ZNF12: variants seen among roughly 807,000 people sequenced by gnomAD.
ZNF12 encodes the protein zinc finger protein 12, also known as gonadotropin inducible transcription repressor 3.
In ZNF12, 34 loss-of-function variants were observed where a neutral mutation model predicts 66.6. The observed-to-expected ratio is 0.51, with a 90% CI of 0.39 to 0.68. The LOEUF is 0.68. Ranked by LOEUF, ZNF12 falls within the 30% of genes least tolerant of loss-of-function variation. ZNF12 has a pLI of 0.00. For missense variants in ZNF12, 697 were observed against 826.9 expected (o/e 0.84, Z 1.93); for synonymous variants, 320 against 278.9 (o/e 1.15, Z -1.47).
At position 6,692,724 on chromosome 7, in the gene ZNF12, T is replaced by A; in HGVS notation, c.239-21A>T. 6.5e-7 allele frequency: 1 copy of A among 1,534,504 alleles called. No individual in the cohort carries two copies. Among genetic ancestry groups the A allele is most frequent in the Non-Finnish European group, 8.7e-7 (1 of 1,146,974 alleles). On this transcript the variant is annotated intron_variant, in intron 4 of 4. Coordinates refer to ENST00000405858, the MANE Select transcript of ZNF12 (RefSeq NM_016265.4). This position sits in a 1 kb window ranked among gnomAD's most constrained non-coding sequence, Gnocchi z 5.1. ...TTCATCTAAAGAGAGACAAAATTAA[T>A]AAACTTTTGTACATCTTCCTATATA...
In ZNF12 at chr7:6,688,629, G is replaced by GA. The variant is rs1583461021; in HGVS notation, c.*2218dup. On this transcript the variant is annotated 3_prime_UTR_variant, in exon 5 of 5. Coordinates refer to ENST00000405858, the MANE Select transcript of ZNF12 (RefSeq NM_016265.4). The surrounding 1 kb of genome is among the most constrained non-coding windows in gnomAD (Gnocchi z 4.3). ...TCACAATCGTCTTGAAGAATATGGA[G>GA]AAAAAGTGCTGAGTGACAAAAACAG... is the stretch of plus-strand genomic sequence containing the variant. 2.6e-5 allele frequency: 4 copies of GA among 152,164 alleles called. No individual in the cohort carries two copies. Among genetic ancestry groups the GA allele is most frequent in the African/African-American group, 4.8e-5 (2 of 41,432 alleles). The allele number at this position is 152,164 out of a possible 1,614,324, so 9.4% of individuals were successfully genotyped here.
rs137894888 is a variant in ZNF12, at chr7:6,697,542, C to T, written c.143-108G>A. 4.8e-5 allele frequency: 73 copies of T among 1,516,864 alleles called. No homozygotes were observed. The African/African-American group carries it at 5.8e-4, about 12-fold the overall frequency. 94.0% of individuals were successfully genotyped at this position (1,516,864 alleles called of 1,614,324 possible). A position where few individuals can be genotyped will look rare whatever the true frequency, so the allele number is the denominator to read the frequency against. On this transcript the variant is annotated intron_variant, in intron 3 of 4. Coordinates refer to ENST00000405858, the MANE Select transcript of ZNF12 (RefSeq NM_016265.4). The surrounding 1 kb of genome is among the most constrained non-coding windows in gnomAD (Gnocchi z 6.1). ...GTCTTATCAAAATCAGAACTTTTCA[C>T]GGGGGAGATCAAGACCAAAATGCCC... is the stretch of plus-strand genomic sequence containing the variant.
chr7:6,691,534 A>T lies in ZNF12; in HGVS notation c.1408T>A (p.Cys470Ser). The T allele has an allele frequency of 6.2e-7, 1 of 1,614,136 alleles. No individual in the cohort carries two copies. Among genetic ancestry groups the T allele is most frequent in the Non-Finnish European group, 8.5e-7 (1 of 1,179,992 alleles). Residue 470 changes from cysteine (C) to serine (S), a missense_variant, in exon 5 of 5, where the codon TGT (cysteine) becomes AGT (serine). Cys to Ser is a moderately radical substitution (Grantham distance 112, BLOSUM62 -1). Around this residue, in one of 3 missense-constraint regions of ZNF12, gnomAD observed 401 missense variants for 519.0 expected, o/e 0.77. Transcript: ENST00000405858. ...GAATTCAGGTAGAAGGTTTTTCCAC[A>T]TTCATTACATTCATAGGGTTTCTCT... is the stretch of plus-strand genomic sequence containing the variant. Reference protein sequence around the residue: ...SGEKPYECNECGKTFYLNSAL... With the variant: ...SGEKPYECNESGKTFYLNSAL...
intron 4 of ZNF12, among the ~76,000 whole-genome samples, chr7:6,693,493 T>C (rs571666140): frequency 6.6e-6 from 1 of 152,366 alleles, no homozygotes; most frequent in South Asian, 2.1e-4. Context: ...CTAATGATGC[T>C]ATGATTTAAT....
At position 6,691,364 on chromosome 7, in the gene ZNF12, A is replaced by G. The variant is rs750163534; in HGVS notation, c.1578T>C (p.Cys526=). 1.2e-6 allele frequency: 2 copies of G among 1,614,004 alleles called. No individual in the cohort carries two copies. The highest frequency in any genetic ancestry group is 1.1e-5 in the South Asian group (1 of 91,080). ...CTGAGTTCTGGTAGAAGGTTTTCCC[A>G]CATTCACTACATTCATAGGGTTTTA... ...SGVKPYECSE[C]GKTFYQNSAL... The change falls in exon 5 of 5, where the codon TGT becomes TGC. Residue 526 remains cysteine (C), a synonymous_variant. Transcript: ENST00000405858.
rs1233650738 is a variant in ZNF12, at chr7:6,698,460, C to G, written c.16-649G>C. Among the ~76,000 whole-genome samples the G allele has an allele frequency of 2.0e-5, 3 of 152,310 alleles. No individual in the cohort carries two copies. The highest frequency in any genetic ancestry group is 4.8e-5 in the African/African-American group (2 of 41,560). The stretch of plus-strand genomic sequence containing the variant: ...GTCCCAGATGGCAAACTCAACATCC[C>G]TGAAATTCAATTGCTGTTCCTGTTC... On this transcript the variant is annotated intron_variant, in intron 2 of 4. Coordinates refer to ENST00000405858, the MANE Select transcript of ZNF12 (RefSeq NM_016265.4). The surrounding 1 kb of genome is among the most constrained non-coding windows in gnomAD (Gnocchi z 4.4).
Position 6,697,233 on chromosome 7 carries a change from T to C in ZNF12, c.238+106A>G, listed in dbSNP as rs145292205. 2.6e-4 allele frequency: 208 copies of C among 789,898 alleles called. No homozygotes were observed. The African/African-American group carries it at 2.7e-3, about 10-fold the overall frequency. The allele number at this position is 789,898 out of a possible 1,614,324, so 48.9% of individuals were successfully genotyped here. On this transcript the variant is annotated intron_variant, in intron 4 of 4. Transcript: ENST00000405858. The surrounding 1 kb of genome is among the most constrained non-coding windows in gnomAD (Gnocchi z 6.1). ...GAGTGAGATTCAGGTTCATAGAGCA[T>C]ATAAGCAACTATTTCTAGTCACTTC...
intron 2 of ZNF12, among the ~76,000 whole-genome samples, chr7:6,702,843 T>TCC (rs1562602475): frequency 0.042 from 2 of 48 alleles, 1 homozygote; most frequent in Non-Finnish European, 0.077. Flanking sequence ...GAGATATATC[T>TCC]CAAAATCCAC....
At chr7:6,700,326 CACACACACACAT>C (rs1390537212) in intron 2 of ZNF12, among the ~76,000 whole-genome samples, 6 of 148,220 alleles carry the variant, frequency 4.0e-5, no homozygotes, top group African/African-American at 1.5e-4. Flanking sequence ...CACACACACA[CACACACACACAT>C]ATATATACAT....
In ZNF12 at chr7:6,706,937, G is replaced by A. The variant is rs940440136; in HGVS notation, c.-556C>T. 1.5e-5 allele frequency: 6 copies of A among 407,904 alleles called. No individual in the cohort carries two copies. The highest frequency in any genetic ancestry group is 6.6e-5 in the African/African-American group (3 of 45,602). 25.3% of individuals were successfully genotyped at this position (407,904 alleles called of 1,614,324 possible). A position where few individuals can be genotyped will look rare whatever the true frequency, so the allele number is the denominator to read the frequency against. On this transcript the variant is annotated 5_prime_UTR_variant, in exon 1 of 5. Transcript: ENST00000405858. ...GCGGTGACCTGGGGACGCACAGGAA[G>A]CGAGGGCACTGCGGCCGCGGCGCGC...
rs1306247660 is a variant in ZNF12, at chr7:6,692,259, T to C, written c.683A>G (p.Lys228Arg). The C allele has an allele frequency of 6.2e-7, 1 of 1,613,778 alleles. No individual in the cohort carries two copies. The highest frequency in any genetic ancestry group is 8.5e-7 in the Non-Finnish European group (1 of 1,179,786). Reference sequence around the variant, plus strand: ...CATGTGATTAACAAAAACAGTGTCCTTTTGGAAGGCTTTCTGGCATTCAAT... The same window carrying C: ...CATGTGATTAACAAAAACAGTGTCCCTTTGGAAGGCTTTCTGGCATTCAAT... ...EYIECQKAFQ[K>R]DTVFVNHMEE... The change falls in exon 5 of 5, where the codon AAG becomes AGG. Residue 228 changes from lysine (K) to arginine (R), a missense_variant. Coordinates refer to ENST00000405858, the MANE Select transcript of ZNF12 (RefSeq NM_016265.4). The surrounding 1 kb of genome is among the most constrained non-coding windows in gnomAD (Gnocchi z 5.1).
At chr7:6,699,798 A>G (rs1323711540) in intron 2 of ZNF12, among the ~76,000 whole-genome samples, 2 of 152,214 alleles carry the variant, frequency 1.3e-5, no homozygotes, top group East Asian at 1.9e-4. Context: ...TCAAGGACTC[A>G]TAAGAGGAAA....
chr7:6,692,102 T>C lies in ZNF12; in HGVS notation c.840A>G (p.Lys280=). 1 of 1,613,920 alleles carries C rather than the reference T, an allele frequency of 6.2e-7. No individual in the cohort carries two copies. The highest frequency in any genetic ancestry group is 8.5e-7 in the Non-Finnish European group (1 of 1,179,908). The change falls in exon 5 of 5, where the codon AAA becomes AAG. Residue 280 remains lysine, a synonymous_variant. Transcript: ENST00000405858. The surrounding 1 kb of genome is among the most constrained non-coding windows in gnomAD (Gnocchi z 5.1). ...ECSECGKSFC[K]KSKFIIHQRT... ...TCTGATGTATAATAAATTTTGACTT[T>C]TTACAGAAGGATTTCCCACATTCAC...
chr7:6,694,329 C>G (rs1354847953), intron 4 of ZNF12, among the ~76,000 whole-genome samples: 1 of 152,114 alleles, frequency 6.6e-6, no homozygotes, highest in Admixed American at 6.5e-5. Flanking sequence ...AACCGTAACC[C>G]CTATAACCTG....
chr7:6,700,457 G>T (rs142541194), intron 2 of ZNF12, among the ~76,000 whole-genome samples: 2 of 151,998 alleles, frequency 1.3e-5, no homozygotes, highest in African/African-American at 4.8e-5. Flanking sequence ...TCCATTAAGA[G>T]ATTCTAAGTG....
rs558734650 is a variant in ZNF12, at chr7:6,696,686, G to A, written c.238+653C>T. ...TACTTACTAAGCACCTGCCATGACA[G>A]GGTATCATTCAAGGCATTGGGAACA... On this transcript the variant is annotated intron_variant, in intron 4 of 4. Coordinates refer to ENST00000405858, the MANE Select transcript of ZNF12 (RefSeq NM_016265.4). This position sits in a 1 kb window ranked among gnomAD's most constrained non-coding sequence, Gnocchi z 4.0. Among the ~76,000 whole-genome samples, 1 of 152,256 alleles carries A rather than the reference G, an allele frequency of 6.6e-6. No homozygotes were observed. The highest frequency in any genetic ancestry group is 2.1e-4 in the South Asian group (1 of 4,822).
Position 6,692,195 on chromosome 7 carries a change from G to A in ZNF12, c.747C>T (p.Ala249=). The A allele has an allele frequency of 6.2e-7, 1 of 1,614,042 alleles. No homozygotes were observed. The highest frequency in any genetic ancestry group is 1.6e-4 in the Middle Eastern group (1 of 6,062). The change falls in exon 5 of 5, where the codon GCC becomes GCT. Residue 249 remains alanine, a synonymous_variant. Coordinates refer to ENST00000405858, the MANE Select transcript of ZNF12 (RefSeq NM_016265.4). This position sits in a 1 kb window ranked among gnomAD's most constrained non-coding sequence, Gnocchi z 5.1. ...CAGTGAGGTCCGACATCTGGAGAAA[G>A]GCTATTTCAGATCCATTCCACTTAT... ...KPYKWNGSEI[A]FLQMSDLTVH... is the part of the protein sequence containing the mutation.
rs544424817 is a variant in ZNF12 at position 6,706,482 on chromosome 7, G to A, written c.-101C>T. Reference sequence around the variant, plus strand: ...CCCACCGCTCCCGACAGGCCGGGGCGGGATTGCTGTCGCGGGCGCGCGTCT... The same window carrying A: ...CCCACCGCTCCCGACAGGCCGGGGCAGGATTGCTGTCGCGGGCGCGCGTCT... On this transcript the variant is annotated 5_prime_UTR_variant, in exon 1 of 5. Coordinates refer to ENST00000405858, the MANE Select transcript of ZNF12 (RefSeq NM_016265.4). The A allele has an allele frequency of 1.1e-5, 5 of 474,738 alleles. No homozygotes were observed. The highest frequency in any genetic ancestry group is 6.5e-5 in the East Asian group (1 of 15,358). The allele number at this position is 474,738 out of a possible 1,614,324, so 29.4% of individuals were successfully genotyped here.
rs1057209329 is a variant in ZNF12, at chr7:6,706,928, G to C, written c.-547C>G. On this transcript the variant is annotated 5_prime_UTR_variant, in exon 1 of 5. Transcript: ENST00000405858. ...CTAGGGCGAGCGGTGACCTGGGGAC[G>C]CACAGGAAGCGAGGGCACTGCGGCC... The C allele has an allele frequency of 4.9e-6, 2 of 410,632 alleles. No individual in the cohort carries two copies. The highest frequency in any genetic ancestry group is 3.3e-5 in the South Asian group (2 of 61,224). 25.4% of individuals were successfully genotyped at this position (410,632 alleles called of 1,614,324 possible). A position where few individuals can be genotyped will look rare whatever the true frequency, so the allele number is the denominator to read the frequency against.
Sources: allele counts gnomAD v4.1 joint callset (sites outside exome capture counted in the v4.1 genomes callset), GRCh38; gene constraint gnomAD v4.1.1; regional missense constraint gnomAD v4.1.1; non-coding constraint Gnocchi (gnomAD v3.1); transcripts MANE v1.5; gene names NCBI Gene and HGNC (gene_info 2026-07-23, HGNC 2026-07-21).